Variants in SLC19A2 observed in about 807,000 individuals in gnomAD.
SLC19A2 encodes solute carrier family 19 member 2.
In SLC19A2, 27 loss-of-function variants were observed where a neutral mutation model predicts 44.7. The ratio of observed to expected loss-of-function variants is 0.60; its 90% CI spans 0.45 to 0.83. SLC19A2 has a LOEUF of 0.83. Among genes scored for constraint, SLC19A2 ranks in the 40% least tolerant of loss-of-function variants. SLC19A2 has a pLI of 0.00. For missense variants in SLC19A2, 566 were observed against 613.7 expected (o/e 0.92, Z 0.82); for synonymous variants, 239 against 243.6 (o/e 0.98, Z 0.18).
chr1:169,484,069 C>G (rs755545424), intron 1 of SLC19A2, among the ~76,000 whole-genome samples: 1 of 151,982 alleles, frequency 6.6e-6, no homozygotes, highest in Non-Finnish European at 1.5e-5. Context: ...GACTGAGAAA[C>G]GGCCCAGCCA....
chr1:169,482,410 A>G (rs904320121), intron 1 of SLC19A2, among the ~76,000 whole-genome samples: 1 of 151,842 alleles, frequency 6.6e-6, no homozygotes, highest in Non-Finnish European at 1.5e-5. Flanking sequence ...GAGTAGTGGC[A>G]CAAGCCTATA....
chr1:169,478,989 T>C (rs1296284065), intron 1 of SLC19A2, among the ~76,000 whole-genome samples: 1 of 152,142 alleles, frequency 6.6e-6, no homozygotes, highest in Non-Finnish European at 1.5e-5. Context: ...GAGTTTTAAA[T>C]GAGCCAGAGT....
In SLC19A2 at chr1:169,485,918, C is replaced by A; in HGVS notation, c.-152G>T. The A allele has an allele frequency of 1.1e-6, 1 of 932,840 alleles. No individual in the cohort carries two copies. Among genetic ancestry groups the A allele is most frequent in the East Asian group, 2.7e-5 (1 of 37,626 alleles). The allele number at this position is 932,840 out of a possible 1,614,324, so 57.8% of individuals were successfully genotyped here. On this transcript the variant is annotated 5_prime_UTR_variant, in exon 1 of 6. Transcript: ENST00000236137. ...TCGCCGCCGCCTCCGGCTACAGAAC[C>A]CCCAGCTTTACCCTACAGACGCCTC...
At chr1:169,468,400 C>T (rs1658086961) in intron 4 of SLC19A2, 148 bp from the exon 5 acceptor site, 1 of 733,262 alleles carries the variant, frequency 1.4e-6, no homozygotes, top group Admixed American at 2.8e-5. Flanking sequence ...TGAAAACATT[C>T]TGCAACTAAA....
chr1:169,468,260 AAAAAT>A lies in SLC19A2; in HGVS notation c.1224-13_1224-9del. Reference sequence around the variant, plus strand: ...TTTGCAGCAATTTGAAAACTTAAAAAAAAATAAAAGAGTGAATAAATAAGAATTAC... The same window carrying A: ...TTTGCAGCAATTTGAAAACTTAAAAAAAAAGAGTGAATAAATAAGAATTAC... On this transcript the variant is annotated splice_polypyrimidine_tract_variant and intron_variant, in intron 4 of 5. Coordinates refer to ENST00000236137, the MANE Select transcript of SLC19A2 (RefSeq NM_006996.3). 1 of 1,611,464 alleles carries A rather than the reference AAAAAT, an allele frequency of 6.2e-7. No individual in the cohort carries two copies. The highest frequency in any genetic ancestry group is 1.1e-5 in the South Asian group (1 of 90,912).
In SLC19A2 at chr1:169,470,015, G is replaced by A. The variant is rs151131241; in HGVS notation, c.979C>T (p.Arg327Cys). ...QGLWEKVMPS[R>C]YAAIYNGGVE... ...CCACCATTATAGATAGCAGCATAGCGAGAAGGCATCACTTTCTCCCACAGG... is the reference window on the plus strand; with the variant it reads ...CCACCATTATAGATAGCAGCATAGCAAGAAGGCATCACTTTCTCCCACAGG... The change falls in exon 3 of 6, where the codon CGC becomes TGC. Residue 327 changes from arginine (R) to cysteine (C), a missense_variant. Coordinates refer to ENST00000236137, the MANE Select transcript of SLC19A2 (RefSeq NM_006996.3). 2.4e-5 allele frequency: 39 copies of A among 1,613,870 alleles called. No individual in the cohort carries two copies. The highest frequency in any genetic ancestry group is 1.7e-4 in the Admixed American group (10 of 59,988).
At position 169,465,931 on chromosome 1, in the gene SLC19A2, A is replaced by T. The variant is rs767790973; in HGVS notation, c.1412T>A (p.Leu471Gln). Residue 471 changes from leucine (L) to glutamine (Q), a missense_variant, in exon 6 of 6, where the codon CTG becomes CAG. Coordinates refer to ENST00000236137, the MANE Select transcript of SLC19A2 (RefSeq NM_006996.3). ...CATAACACTGACTGCACCACTGGCC[A>T]GGAAAACCACAGCGATGAGTGCAAA... ...SYFALIAVVFLASGAVSVMKK... is the reference protein window; with the variant it reads ...SYFALIAVVFQASGAVSVMKK... 6.2e-7 allele frequency: 1 copy of T among 1,614,152 alleles called. No homozygotes were observed. The highest frequency in any genetic ancestry group is 8.5e-7 in the Non-Finnish European group (1 of 1,179,950).
Position 169,468,106 on chromosome 1 carries a change from C to A in SLC19A2, c.1365+5G>T. On this transcript the variant is annotated splice_donor_5th_base_variant and intron_variant, in intron 5 of 5. Transcript: ENST00000236137. ...CTACCTTCGATGCCAAAGGAGAGAT[C>A]TTACCTGAGTGGTAATTTCTAATCC... 3 of 1,613,888 alleles carry A rather than the reference C, an allele frequency of 1.9e-6. No individual in the cohort carries two copies. Among genetic ancestry groups the A allele is most frequent in the South Asian group, 2.2e-5 (2 of 91,072 alleles).
intron 1 of SLC19A2, among the ~76,000 whole-genome samples, chr1:169,482,249 A>T (rs938808366): frequency 6.6e-6 from 1 of 151,066 alleles, no homozygotes; most frequent in South Asian, 2.1e-4. Flanking sequence ...AAAAAAAAGA[A>T]TAAAATAAGG....
At chr1:169,467,910 T>C (rs990643844) in intron 5 of SLC19A2, among the ~76,000 whole-genome samples, 1 of 152,236 alleles carries the variant, frequency 6.6e-6, no homozygotes, top group Non-Finnish European at 1.5e-5. Context: ...GGGAATGTTC[T>C]AAGACCTGAC....
At chr1:169,479,779 T>C (rs1272823495) in intron 1 of SLC19A2, among the ~76,000 whole-genome samples, 1 of 152,242 alleles carries the variant, frequency 6.6e-6, no homozygotes, top group African/African-American at 2.4e-5. Flanking sequence ...TACTTTGTGA[T>C]GAAGCAACCT....
chr1:169,467,614 G>A (rs1234834485), intron 5 of SLC19A2, among the ~76,000 whole-genome samples: 1 of 151,370 alleles, frequency 6.6e-6, no homozygotes, highest in African/African-American at 2.5e-5. Flanking sequence ...GTTGTTGGGT[G>A]TTGGTGCAAG....
Position 169,469,956 on chromosome 1 carries a change from T to C in SLC19A2, c.1030+8A>G, listed in dbSNP as rs1432759679. On this transcript the variant is annotated splice_region_variant and intron_variant, in intron 3 of 5. Coordinates refer to ENST00000236137, the MANE Select transcript of SLC19A2 (RefSeq NM_006996.3). ...CACCACGACCCTCTATTATCCTGCA[T>C]TGCTTACCCAGTAAGGTTGAAACGG... 3.1e-6 allele frequency: 5 copies of C among 1,612,228 alleles called. No individual in the cohort carries two copies. Among genetic ancestry groups the C allele is most frequent in the Middle Eastern group, 1.8e-4 (1 of 5,690 alleles).
intron 2 of SLC19A2, among the ~76,000 whole-genome samples, chr1:169,471,735 AAATT>A (rs1330387264): frequency 6.7e-6 from 1 of 149,146 alleles, no homozygotes; most frequent in Non-Finnish European, 1.5e-5. Flanking sequence ...CATTTTTATA[AAATT>A]AATAGATATT....
intron 1 of SLC19A2, among the ~76,000 whole-genome samples, chr1:169,482,794 ATTAAT>A (rs1658470887): frequency 3.3e-5 from 5 of 152,192 alleles, no homozygotes; most frequent in Non-Finnish European, 5.9e-5. Flanking sequence ...AGACTATTAG[ATTAAT>A]ATGAATGGAG....
At chr1:169,473,529 A>C (rs1314985528) in intron 2 of SLC19A2, among the ~76,000 whole-genome samples, 1 of 151,856 alleles carries the variant, frequency 6.6e-6, no homozygotes, top group Non-Finnish European at 1.5e-5. Context: ...TACAGGTGTG[A>C]GTCACCATGC....
intron 5 of SLC19A2, among the ~76,000 whole-genome samples, chr1:169,467,830 G>A (rs866077797): frequency 2.0e-5 from 3 of 152,284 alleles, no homozygotes; most frequent in Middle Eastern, 6.8e-3. Context: ...GAAGCAGAAG[G>A]TCTTGGTCTG....
chr1:169,473,377 G>A (rs1373150545), intron 2 of SLC19A2, among the ~76,000 whole-genome samples: 1 of 151,576 alleles, frequency 6.6e-6, no homozygotes, highest in African/African-American at 2.4e-5. Flanking sequence ...TGGGATTACA[G>A]GCATGCACCA....
At chr1:169,471,462 TCCAC>T (rs906947830) in intron 2 of SLC19A2, among the ~76,000 whole-genome samples, 16 of 109,594 alleles carry the variant, frequency 1.5e-4, no homozygotes, top group Admixed American at 3.6e-4. Context: ...AGATCCCGTC[TCCAC>T]ACACACACAC....
Sources: allele counts gnomAD v4.1 joint callset (sites outside exome capture counted in the v4.1 genomes callset), GRCh38; gene constraint gnomAD v4.1.1; transcripts MANE v1.5; gene names NCBI Gene and HGNC (gene_info 2026-07-23, HGNC 2026-07-21).